The following SDK1 variants were observed in gnomAD, a reference collection of about 807,000 sequenced individuals.
The protein encoded by SDK1 is sidekick cell adhesion molecule 1.
Under a neutral mutation model 245.5 loss-of-function variants are expected in SDK1, and 157 were observed. The ratio of observed to expected loss-of-function variants is 0.64; its 90% CI spans 0.56 to 0.73. SDK1 has a LOEUF of 0.73. Among genes scored for constraint, SDK1 ranks in the 30% least tolerant of loss-of-function variants. The pLI is 0.00. For missense variants in SDK1, 3,583 were observed against 3,002.3 expected, an observed-to-expected ratio of 1.19 and a Z score of -4.52; for synonymous variants, 1,647 against 1,278.5, an observed-to-expected ratio of 1.29 and a Z score of -6.15.
intron 5 of SDK1, among the ~76,000 whole-genome samples, chr7:3,881,529 G>A (rs930300430): frequency 6.6e-6 from 1 of 152,176 alleles, no homozygotes; most frequent in Non-Finnish European, 1.5e-5. Flanking sequence ...TTGACTCCAT[G>A]TCTTTGCTAT....
intron 14 of SDK1, among the ~76,000 whole-genome samples, chr7:3,996,432 A>T (rs1784705581): frequency 6.6e-6 from 1 of 152,216 alleles, no homozygotes; most frequent in South Asian, 2.1e-4. Context: ...ATTTTTAATC[A>T]TGTTAAACCT....
chr7:4,148,749 C>T (rs1253216411), intron 29 of SDK1, among the ~76,000 whole-genome samples: 2 of 152,328 alleles, frequency 1.3e-5, no homozygotes, highest in East Asian at 3.9e-4. Flanking sequence ...AGTAGTGCAT[C>T]CGAAGTCAGC....
rs772918647 is a variant in SDK1, at chr7:4,026,705, C to T, written c.2602+9353C>T. Among the ~76,000 whole-genome samples the T allele has an allele frequency of 2.0e-5, 3 of 152,122 alleles. No homozygotes were observed. Among genetic ancestry groups the T allele is most frequent in the South Asian group, 2.1e-4 (1 of 4,826 alleles). ...CAAAGGTTTGTTAACCTAATAATGC[C>T]GTAGAAATGTTTAATGCAGTGAGAA... On this transcript the variant is annotated intron_variant, in intron 17 of 44. Transcript: ENST00000404826. This position sits in a 1 kb window ranked among gnomAD's most constrained non-coding sequence, Gnocchi z 4.1.
chr7:3,449,257 T>C (rs1249604340), intron 1 of SDK1, among the ~76,000 whole-genome samples: 1 of 152,132 alleles, frequency 6.6e-6, no homozygotes, highest in South Asian at 2.1e-4. Flanking sequence ...TTTCACACTT[T>C]TATTTTGGGC....
intron 44 of SDK1, among the ~76,000 whole-genome samples, chr7:4,248,197 C>A (rs1787023881): frequency 6.6e-6 from 1 of 152,060 alleles, no homozygotes; most frequent in African/African-American, 2.4e-5. Context: ...TGTGCACGGA[C>A]ACATACACAC....
In SDK1 at chr7:3,538,292, C is replaced by T. The variant is rs1040269177; in HGVS notation, c.299-80788C>T. ...ACTGCTGTGATGTTTTCCAGCTGTC[C>T]GCATTTTGTCTTTTCTTGTGTTTCC... On this transcript the variant is annotated intron_variant, in intron 1 of 44. Transcript: ENST00000404826. Among the ~76,000 whole-genome samples, 33 of 152,102 alleles carry T rather than the reference C, an allele frequency of 2.2e-4. 1 individual carries two copies. The highest frequency in any genetic ancestry group is 3.9e-4 in the Admixed American group (6 of 15,272).
At chr7:3,784,884 G>A (rs1780852135) in intron 4 of SDK1, among the ~76,000 whole-genome samples, 1 of 152,176 alleles carries the variant, frequency 6.6e-6, no homozygotes, top group African/African-American at 2.4e-5. Flanking sequence ...AAATCAGTGT[G>A]TTGAAGACGT....
chr7:3,410,070 A>G (rs1004100187), intron 1 of SDK1, among the ~76,000 whole-genome samples: 1 of 152,202 alleles, frequency 6.6e-6, no homozygotes, highest in Admixed American at 6.5e-5. Flanking sequence ...ATTGATATAT[A>G]TAAAGTCCAT....
At chr7:3,633,370 C>T (rs1284937151) in intron 2 of SDK1, among the ~76,000 whole-genome samples, 3 of 152,240 alleles carry the variant, frequency 2.0e-5, no homozygotes, top group East Asian at 1.9e-4. Flanking sequence ...TCTGCACTGA[C>T]GCTGTGGTTT....
intron 1 of SDK1, among the ~76,000 whole-genome samples, chr7:3,386,938 C>T (rs1197067408): frequency 6.6e-6 from 1 of 152,156 alleles, no homozygotes; most frequent in African/African-American, 2.4e-5. Flanking sequence ...GAGGAAAACC[C>T]AGAGAGCTCC....
At chr7:3,629,638 T>A (rs1020652371) in intron 2 of SDK1, among the ~76,000 whole-genome samples, 10 of 152,164 alleles carry the variant, frequency 6.6e-5, no homozygotes, top group African/African-American at 2.2e-4. Flanking sequence ...TAACAAGTCT[T>A]GAAAAGCAAG....
At chr7:3,386,739 G>T (rs889409661) in intron 1 of SDK1, among the ~76,000 whole-genome samples, 2 of 152,160 alleles carry the variant, frequency 1.3e-5, no homozygotes, top group African/African-American at 4.8e-5. Flanking sequence ...CCTCCAGTGA[G>T]TCCCGGGGAC....
At chr7:3,325,176 A>G (rs1226337387) in intron 1 of SDK1, among the ~76,000 whole-genome samples, 2 of 151,864 alleles carry the variant, frequency 1.3e-5, no homozygotes, top group African/African-American at 2.4e-5. Context: ...TCTGATGTGG[A>G]GATTTGAGAT....
intron 4 of SDK1, among the ~76,000 whole-genome samples, chr7:3,657,601 G>GCT (rs1554303881): frequency 2.6e-5 from 4 of 151,798 alleles, no homozygotes; most frequent in African/African-American, 9.7e-5. Flanking sequence ...GGGGACTCGG[G>GCT]TTTTTTTCCA....
At chr7:3,867,467 A>G (rs1223029187) in intron 5 of SDK1, among the ~76,000 whole-genome samples, 2 of 152,218 alleles carry the variant, frequency 1.3e-5, no homozygotes, top group Non-Finnish European at 2.9e-5. Context: ...ATGGACTCAC[A>G]GTGTCATATG....
chr7:4,085,219 G>T (rs1414856892), intron 22 of SDK1, among the ~76,000 whole-genome samples: 1 of 152,094 alleles, frequency 6.6e-6, no homozygotes, highest in Admixed American at 6.5e-5. Context: ...AAAACTTTAT[G>T]TTAAAACACA....
intron 5 of SDK1, among the ~76,000 whole-genome samples, chr7:3,908,099 C>G (rs6971687): frequency 0.045 from 6,901 of 152,108 alleles, 516 homozygotes; most frequent in African/African-American, 0.15. Context: ...TATTGAGTGC[C>G]CGTAATGTGC....
intron 14 of SDK1, among the ~76,000 whole-genome samples, chr7:3,989,053 C>T (rs1390637352): frequency 5.3e-5 from 8 of 152,214 alleles, no homozygotes; most frequent in African/African-American, 1.7e-4. Flanking sequence ...CCGCGCCTGG[C>T]GTCCAGTTTA....
intron 19 of SDK1, among the ~76,000 whole-genome samples, chr7:4,054,533 A>G (rs541506820): frequency 1.3e-5 from 2 of 152,306 alleles, no homozygotes; most frequent in South Asian, 2.1e-4. Flanking sequence ...GAATGTTTCT[A>G]AGGCCACAAA....
Sources: allele counts gnomAD v4.1 joint callset (sites outside exome capture counted in the v4.1 genomes callset), GRCh38; gene constraint gnomAD v4.1.1; non-coding constraint Gnocchi (gnomAD v3.1); transcripts MANE v1.5; gene names NCBI Gene and HGNC (gene_info 2026-07-23, HGNC 2026-07-21).